Variants in TMEFF2 observed in about 807,000 individuals in gnomAD.
TMEFF2 encodes transmembrane protein with EGF like and two follistatin like domains 2, also known as tomoregulin-2.
A neutral mutation model predicts 53.8 loss-of-function variants in TMEFF2; 28 were observed. The ratio of observed to expected loss-of-function variants is 0.52; its 90% CI spans 0.39 to 0.71. The LOEUF is 0.71. Among genes scored for constraint, TMEFF2 ranks in the 30% least tolerant of loss-of-function variants. TMEFF2 has a pLI of 0.00. For synonymous variants in TMEFF2, 162 were observed against 166.3 expected (o/e 0.97, Z 0.20); for missense variants, 353 against 455.2 (o/e 0.78, Z 2.04).
chr2:192,194,187 C>T lies in TMEFF2; in HGVS notation c.172+166G>A, dbSNP rs75724441. Among the ~76,000 whole-genome samples, 4,440 of 152,250 alleles carry T rather than the reference C, an allele frequency of 0.029. 138 individuals are homozygous for T. The highest frequency in any genetic ancestry group is 0.068 in the South Asian group (326 of 4,822). ...CCAGAACCACCCCTCACCCCCGGGC[C>T]TGCAACAGTTCCCCTTGTTTCTCTG... On this transcript the variant is annotated intron_variant, in intron 1 of 9. Coordinates refer to ENST00000272771, the MANE Select transcript of TMEFF2 (RefSeq NM_016192.4). This position sits in a 1 kb window ranked among gnomAD's most constrained non-coding sequence, Gnocchi z 4.2.
At position 191,964,418 on chromosome 2, in the gene TMEFF2, T is replaced by TTC. The variant is rs769484604; in HGVS notation, c.746-8042_746-8041dup. Among the ~76,000 whole-genome samples the TTC allele has an allele frequency of 2.4e-3, 312 of 131,474 alleles. 1 individual carries two copies. The highest frequency in any genetic ancestry group is 8.3e-3 in the African/African-American group (276 of 33,418). The allele number at this position is 131,474 out of a possible 152,430, so 86.3% of individuals were successfully genotyped here. ...TCTTTCTCTTTCTTTCTTTCTTTCT[T>TTC]TCTTTCTTTCTTTCTTTCTGCCTTT... On this transcript the variant is annotated intron_variant, in intron 7 of 9. Coordinates refer to ENST00000272771, the MANE Select transcript of TMEFF2 (RefSeq NM_016192.4).
intron 4 of TMEFF2, among the ~76,000 whole-genome samples, chr2:192,132,215 T>C (rs1041985951): frequency 3.4e-4 from 51 of 152,206 alleles, no homozygotes; most frequent in South Asian, 1.2e-3. Flanking sequence ...AGTTTCGTTC[T>C]GTGACTAGCC....
chr2:192,153,443 G>A (rs1457258091), intron 4 of TMEFF2, among the ~76,000 whole-genome samples: 2 of 151,628 alleles, frequency 1.3e-5, no homozygotes, highest in African/African-American at 2.4e-5. Context: ...ATTCTTACTT[G>A]TAGATGCATC....
chr2:191,996,748 AT>A (rs955694087), intron 7 of TMEFF2, among the ~76,000 whole-genome samples: 2 of 151,618 alleles, frequency 1.3e-5, no homozygotes, highest in African/African-American at 4.8e-5. Context: ...AAAATTGTTG[AT>A]TTTTTTTCAA....
chr2:192,141,327 C>G (rs746275146), intron 4 of TMEFF2, among the ~76,000 whole-genome samples: 1 of 151,858 alleles, frequency 6.6e-6, no homozygotes, highest in Non-Finnish European at 1.5e-5. Flanking sequence ...GTGGTGCATG[C>G]CTGTAATCCC....
At chr2:192,126,158 T>C (rs1271910210) in intron 4 of TMEFF2, among the ~76,000 whole-genome samples, 1 of 152,214 alleles carries the variant, frequency 6.6e-6, no homozygotes, top group African/African-American at 2.4e-5. Context: ...ATCAACCCAG[T>C]GGTAAAAATA....
chr2:192,055,572 T>A (rs769924804), intron 5 of TMEFF2, among the ~76,000 whole-genome samples: 1 of 151,728 alleles, frequency 6.6e-6, no homozygotes, highest in Non-Finnish European at 1.5e-5. Context: ...GTGAGGAGTT[T>A]GAGACCAGCC....
At chr2:192,123,515 T>C (rs749332711) in intron 4 of TMEFF2, among the ~76,000 whole-genome samples, 11 of 152,168 alleles carry the variant, frequency 7.2e-5, no homozygotes, top group East Asian at 5.8e-4. Context: ...AAAGATTACA[T>C]AGTAAATCCA....
chr2:192,118,794 A>G (rs1422296368), intron 4 of TMEFF2, among the ~76,000 whole-genome samples: 2 of 152,150 alleles, frequency 1.3e-5, no homozygotes, highest in African/African-American at 2.4e-5. Context: ...TTATATGTAG[A>G]TTTCCACCTG....
At position 192,107,295 on chromosome 2, in the gene TMEFF2, A is replaced by T. The variant is rs148944475; in HGVS notation, c.440-49520T>A. Among the ~76,000 whole-genome samples, 834 of 151,830 alleles carry T rather than the reference A, an allele frequency of 5.5e-3. 5 individuals are homozygous for T. The highest frequency in any genetic ancestry group is 0.017 in the African/African-American group (699 of 41,532). On this transcript the variant is annotated intron_variant, in intron 4 of 9. Coordinates refer to ENST00000272771, the MANE Select transcript of TMEFF2 (RefSeq NM_016192.4). ...AACCCTGGATTCTGGGTGCTTCAGC[A>T]TCACTTACTGATGAAGAATCTTGAT...
At chr2:192,152,485 A>T (rs780036406) in intron 4 of TMEFF2, among the ~76,000 whole-genome samples, 4 of 151,952 alleles carry the variant, frequency 2.6e-5, no homozygotes, top group Non-Finnish European at 5.9e-5. Context: ...AAAGGATTTG[A>T]TGCTGCAGTA....
intron 4 of TMEFF2, among the ~76,000 whole-genome samples, chr2:192,160,940 C>T (rs116262053): frequency 0.018 from 2,736 of 152,014 alleles, 75 homozygotes; most frequent in African/African-American, 0.063. Flanking sequence ...TCTTTAAATC[C>T]GAGAGTCTAG....
intron 4 of TMEFF2, among the ~76,000 whole-genome samples, chr2:192,115,342 A>G (rs1385335567): frequency 6.6e-6 from 1 of 152,008 alleles, no homozygotes; most frequent in East Asian, 1.9e-4. Context: ...TGGATTAAAG[A>G]CTTAGACATA....
chr2:191,968,514 G>A (rs1692532317), intron 7 of TMEFF2, among the ~76,000 whole-genome samples: 1 of 152,154 alleles, frequency 6.6e-6, no homozygotes, highest in Non-Finnish European at 1.5e-5. Flanking sequence ...TAAATTGCAG[G>A]CCTTACGGAC....
chr2:192,119,260 G>A (rs764217280), intron 4 of TMEFF2, among the ~76,000 whole-genome samples: 24 of 152,152 alleles, frequency 1.6e-4, no homozygotes, highest in Admixed American at 8.5e-4. Flanking sequence ...CTACTAGTGA[G>A]AAAATGAAAT....
chr2:192,179,741 A>C (rs767671601), intron 3 of TMEFF2, 47 bp from the exon 4 acceptor site: 27 of 1,499,728 alleles, frequency 1.8e-5, no homozygotes, highest in Non-Finnish European at 2.4e-5. Flanking sequence ...ATTCAAAAAT[A>C]TTTATGACTT....
intron 4 of TMEFF2, among the ~76,000 whole-genome samples, chr2:192,067,581 A>G (rs1413622532): frequency 6.6e-6 from 1 of 151,874 alleles, no homozygotes. Context: ...CCAACTTTGT[A>G]CTTAATTCTT....
intron 4 of TMEFF2, among the ~76,000 whole-genome samples, chr2:192,147,161 C>G (rs757908927): frequency 2.6e-5 from 4 of 151,916 alleles, no homozygotes; most frequent in Non-Finnish European, 4.4e-5. Context: ...GAAACAGGAA[C>G]TCTTGTAGAT....
intron 4 of TMEFF2, among the ~76,000 whole-genome samples, chr2:192,150,969 A>G (rs1194309248): frequency 6.6e-6 from 1 of 151,726 alleles, no homozygotes; most frequent in Non-Finnish European, 1.5e-5. Context: ...TCGAATTGTA[A>G]TCCCTATAAT....
Sources: allele counts gnomAD v4.1 joint callset (sites outside exome capture counted in the v4.1 genomes callset), GRCh38; gene constraint gnomAD v4.1.1; non-coding constraint Gnocchi (gnomAD v3.1); transcripts MANE v1.5; gene names NCBI Gene and HGNC (gene_info 2026-07-23, HGNC 2026-07-21).